The following MACF1 variants were observed in gnomAD, a reference collection of about 807,000 sequenced individuals.
The protein encoded by MACF1 is microtubule actin crosslinking factor 1.
A neutral mutation model predicts 854.8 loss-of-function variants in MACF1; 193 were observed. The ratio of observed to expected loss-of-function variants is 0.23; its 90% CI spans 0.20 to 0.25. MACF1 has a LOEUF of 0.25. MACF1 is among the 10% of genes least tolerant of loss of function. The probability of loss-of-function intolerance (pLI) is 1.00; values close to 1 mark genes in which losing one functional copy is unlikely to be tolerated. For missense variants in MACF1, 7,722 were observed against 8,929.1 expected, an observed-to-expected ratio of 0.86 and a Z score of 5.45; for synonymous variants, 3,185 against 3,226.7, an observed-to-expected ratio of 0.99 and a Z score of 0.44.
At chr1:39,294,601 T>A (rs1230663304) in intron 18 of MACF1, among the ~76,000 whole-genome samples, 1 of 152,216 alleles carries the variant, frequency 6.6e-6, no homozygotes, top group African/African-American at 2.4e-5. Flanking sequence ...AGTATCCAGC[T>A]TCACAGAAGA....
At chr1:39,131,963 G>A (rs1311688969) in intron 2 of MACF1, among the ~76,000 whole-genome samples, 1 of 152,156 alleles carries the variant, frequency 6.6e-6, no homozygotes, top group East Asian at 1.9e-4. Context: ...ACAATTTTTA[G>A]AGTAACAGTT....
chr1:39,195,008 C>G (rs1644303064), intron 2 of MACF1, among the ~76,000 whole-genome samples: 1 of 152,182 alleles, frequency 6.6e-6, no homozygotes, highest in Non-Finnish European at 1.5e-5. Flanking sequence ...AGTTTAATTT[C>G]TGAATTAATA....
chr1:39,304,640 T>G (rs1646130726), intron 23 of MACF1: 3 of 514,344 alleles, frequency 5.8e-6, no homozygotes, highest in Non-Finnish European at 1.1e-5. Flanking sequence ...TTCAGCTCAC[T>G]GCAAGCTCCG....
At chr1:39,235,935 G>C (rs967798031) in intron 2 of MACF1, among the ~76,000 whole-genome samples, 17 of 152,080 alleles carry the variant, frequency 1.1e-4, no homozygotes, top group African/African-American at 3.9e-4. Flanking sequence ...ATGGGGTCTT[G>C]GTATGTTGCC....
chr1:39,234,461 C>T (rs1303382482), intron 2 of MACF1, among the ~76,000 whole-genome samples: 1 of 145,030 alleles, frequency 6.9e-6, no homozygotes. Flanking sequence ...GCTGGCCTGG[C>T]AGAGGAGCTC....
intron 1 of MACF1, among the ~76,000 whole-genome samples, chr1:39,206,092 C>T (rs1644447031): frequency 1.3e-5 from 2 of 152,156 alleles, no homozygotes; most frequent in African/African-American, 2.4e-5. Flanking sequence ...TATTATTTAG[C>T]TTTCTATTAA....
At chr1:39,390,692 C>T (rs538761062) in intron 58 of MACF1, among the ~76,000 whole-genome samples, 1 of 152,306 alleles carries the variant, frequency 6.6e-6, no homozygotes, top group African/African-American at 2.4e-5. Flanking sequence ...CAGAGACTTT[C>T]TTCTACAGGT....
intron 2 of MACF1, among the ~76,000 whole-genome samples, chr1:39,088,759 A>G (rs1641736166): frequency 6.6e-6 from 1 of 152,232 alleles, no homozygotes; most frequent in Non-Finnish European, 1.5e-5. Context: ...TATTGAGAAC[A>G]GGGTGCAAGA....
intron 80 of MACF1, among the ~76,000 whole-genome samples, chr1:39,445,178 A>T (rs1368727807): frequency 6.6e-6 from 1 of 152,208 alleles, no homozygotes; most frequent in Middle Eastern, 3.2e-3. Flanking sequence ...ATAGGGACTG[A>T]CGAATAATTC....
At chr1:39,236,438 C>T (rs554547923) in intron 2 of MACF1, among the ~76,000 whole-genome samples, 1 of 152,208 alleles carries the variant, frequency 6.6e-6, no homozygotes, top group African/African-American at 2.4e-5. Flanking sequence ...CTTAACACCT[C>T]TTCAGTAAGT....
At chr1:39,410,033 A>AT (rs1642916319) in intron 58 of MACF1, 1 of 425,542 alleles carries the variant, frequency 2.3e-6, no homozygotes, top group Non-Finnish European at 4.1e-6. Flanking sequence ...ATTTTAAATT[A>AT]TATCGTCTGT....
rs1442634206 is a variant in MACF1, at chr1:39,451,197, A to G, written c.20404A>G (p.Met6802Val). Reference sequence around the variant, plus strand: ...GGACCTTGACCTCGTCATGAACCTCATGGATGCACACAAGGTAGGGGTGAG... The same window carrying G: ...GGACCTTGACCTCGTCATGAACCTCGTGGATGCACACAAGGTAGGGGTGAG... The part of the protein sequence containing the change: ...HGDLDLVMNL[M>V]DAHKVFQKEL... Residue 6802 changes from methionine to valine, a missense_variant, in exon 85 of 101, where the codon ATG becomes GTG. This residue lies in a region of MACF1 where 729 missense variants were observed against 900.5 expected (regional missense o/e 0.81). Transcript: ENST00000564288. The G allele has an allele frequency of 3.1e-6, 5 of 1,613,894 alleles. No homozygotes were observed. The East Asian group carries it at 6.7e-5, about 22-fold the overall frequency.
At position 39,337,195 on chromosome 1, in the gene MACF1, G is replaced by A. The variant is rs763140598; in HGVS notation, c.10079G>A (p.Arg3360Gln). 1.1e-5 allele frequency: 17 copies of A among 1,612,408 alleles called. No individual in the cohort carries two copies. The highest frequency in any genetic ancestry group is 1.3e-5 in the Non-Finnish European group (15 of 1,179,300). The change falls in exon 38 of 101, where the codon CGG (arginine) becomes CAG (glutamine). Residue 3360 changes from arginine (R) to glutamine (Q), a missense_variant. Transcript: ENST00000564288. The part of the protein sequence containing the change: ...PFRATQNVFT[R>Q]QLCLEHDEKL... Reference sequence around the variant, plus strand: ...TTGGCTCCACAGAATGTATTTACCCGGCAACTCTGTTTAGAACATGATGAA... The same window carrying A: ...TTGGCTCCACAGAATGTATTTACCCAGCAACTCTGTTTAGAACATGATGAA...
chr1:39,205,310 G>A (rs1431001401), intron 1 of MACF1, among the ~76,000 whole-genome samples, 179 bp downstream of exon 1: 1 of 152,046 alleles, frequency 6.6e-6, no homozygotes, highest in African/African-American at 2.4e-5. Flanking sequence ...TCTGCCCTGG[G>A]GCCACTTTGG....
At chr1:39,137,827 A>T (rs1643220896) in intron 2 of MACF1, among the ~76,000 whole-genome samples, 1 of 152,128 alleles carries the variant, frequency 6.6e-6, no homozygotes, top group South Asian at 2.1e-4. Flanking sequence ...TATTCCCAGC[A>T]CTTTGGGAAG....
intron 43 of MACF1, 79 bp downstream of exon 43, chr1:39,351,097 A>G: frequency 7.8e-6 from 8 of 1,019,232 alleles, no homozygotes; most frequent in Non-Finnish European, 1.2e-5. Flanking sequence ...CAGTGAGGGG[A>G]AAACAGGCTT....
At chr1:39,417,926 C>T (rs915894082) in intron 58 of MACF1, among the ~76,000 whole-genome samples, 1 of 151,630 alleles carries the variant, frequency 6.6e-6, no homozygotes, top group Non-Finnish European at 1.5e-5. Context: ...TAGGCTCCTG[C>T]AGTAAATAGA....
At chr1:39,214,126 A>C (rs780222790) in intron 1 of MACF1, among the ~76,000 whole-genome samples, 20 of 152,194 alleles carry the variant, frequency 1.3e-4, no homozygotes, top group Non-Finnish European at 2.8e-4. Context: ...GATTGAAAGC[A>C]GCATTAGCCT....
chr1:39,314,563 TCTCTCTCACA>T (rs1338503130), intron 26 of MACF1, among the ~76,000 whole-genome samples: 677 of 43,902 alleles, frequency 0.015, 4 homozygotes, highest in African/African-American at 0.025. Context: ...TCTCTCTCTC[TCTCTCTCACA>T]CACACACACA....
Sources: gnomAD v4.1 joint callset for allele counts (sites outside exome capture counted in the v4.1 genomes callset) on GRCh38, gnomAD v4.1.1 for gene constraint, gnomAD v4.1.1 regional missense constraint, MANE v1.5 for transcripts, NCBI Gene and HGNC (gene_info 2026-07-23, HGNC 2026-07-21) for gene names.